The following NR5A2 variants were observed in gnomAD, a reference collection of about 807,000 sequenced individuals.
NR5A2 encodes the protein CYP7A promoter-binding factor.
In NR5A2, 26 loss-of-function variants were observed where a neutral mutation model predicts 62.7. The ratio of observed to expected loss-of-function variants is 0.41; its 90% CI spans 0.30 to 0.58. NR5A2 has a LOEUF of 0.58. Among genes scored for constraint, NR5A2 ranks in the 20% least tolerant of loss-of-function variants. The pLI is 0.22. For missense variants in NR5A2, 541 were observed against 669.1 expected, an observed-to-expected ratio of 0.81 and a Z score of 2.11; for synonymous variants, 246 against 241.7, an observed-to-expected ratio of 1.02 and a Z score of -0.16.
chr1:200,131,066 A>G (rs534646504), intron 7 of NR5A2, among the ~76,000 whole-genome samples: 1 of 152,346 alleles, frequency 6.6e-6, no homozygotes, highest in African/African-American at 2.4e-5. Context: ...ATGCTGGCAA[A>G]TAAGCATTTC....
rs905581950 is a variant in NR5A2, at chr1:200,120,649, G to A, written c.1231-159G>A. The stretch of plus-strand genomic sequence containing the variant: ...AAGGCCAGAGGATCACTTCAGCTCA[G>A]GAGTTCAAGACCAGTCTGGTCAAAT... On this transcript the variant is annotated intron_variant, in intron 6 of 7. Coordinates refer to ENST00000367362, the MANE Select transcript of NR5A2 (RefSeq NM_205860.3). Among the ~76,000 whole-genome samples the A allele has an allele frequency of 2.0e-5, 3 of 152,128 alleles. 1 individual carries two copies. In the South Asian group the frequency reaches 6.2e-4, roughly 32 times the overall value.
In NR5A2 at chr1:200,064,495, A is replaced by G. The variant is rs16845856; in HGVS notation, c.1110+15677A>G. On this transcript the variant is annotated intron_variant, in intron 5 of 7. Transcript: ENST00000367362. The stretch of plus-strand genomic sequence containing the variant: ...TAGCACTTCTTGGAAACTTCAAGTA[A>G]TTCCTATGGCTGGAAGGACAAGGAT... Among the ~76,000 whole-genome samples the G allele has an allele frequency of 7.3e-3, 1,109 of 152,328 alleles. 15 individuals are homozygous for G. The highest frequency in any genetic ancestry group is 0.025 in the African/African-American group (1,053 of 41,570).
chr1:200,149,608 G>C (rs1031820877), intron 7 of NR5A2, among the ~76,000 whole-genome samples: 1 of 152,162 alleles, frequency 6.6e-6, no homozygotes, highest in African/African-American at 2.4e-5. Context: ...CATGCACAAA[G>C]GAACCTGACA....
chr1:200,054,849 T>C (rs529807095), intron 5 of NR5A2, among the ~76,000 whole-genome samples: 2 of 152,300 alleles, frequency 1.3e-5, no homozygotes, highest in African/African-American at 4.8e-5. Context: ...TCAGACTTTA[T>C]TGAATCTGCC....
At chr1:200,052,861 T>C (rs10919801) in intron 5 of NR5A2, among the ~76,000 whole-genome samples, 71,662 of 151,658 alleles carry the variant, frequency 0.47, 20,475 homozygotes, top group East Asian at 0.69. Flanking sequence ...AGGATGGTCT[T>C]GATCTCCTGA....
chr1:200,126,570 A>C (rs1230982027), intron 7 of NR5A2, among the ~76,000 whole-genome samples: 2 of 152,204 alleles, frequency 1.3e-5, no homozygotes, highest in Non-Finnish European at 1.5e-5. Flanking sequence ...GCAAGCACAA[A>C]ATTTGAAGAA....
At chr1:200,135,535 G>A (rs975604159) in intron 7 of NR5A2, among the ~76,000 whole-genome samples, 1 of 131,864 alleles carries the variant, frequency 7.6e-6, no homozygotes, top group Non-Finnish European at 1.6e-5. Flanking sequence ...AAAAAAAAAA[G>A]AAGAAGAAGA....
At position 200,039,279 on chromosome 1, in the gene NR5A2, G is replaced by C. The variant is rs898359472; in HGVS notation, c.65-379G>C. 3.9e-5 allele frequency among the ~76,000 whole-genome samples: 6 copies of C among 152,060 alleles called. No individual in the cohort carries two copies. The highest frequency in any genetic ancestry group is 2.1e-4 in the South Asian group (1 of 4,830). On this transcript the variant is annotated intron_variant, in intron 1 of 7. Coordinates refer to ENST00000367362, the MANE Select transcript of NR5A2 (RefSeq NM_205860.3). This position sits in a 1 kb window ranked among gnomAD's most constrained non-coding sequence, Gnocchi z 5.1. ...GGGGAAGGAGTCGCCCGAGCCGTCCGGGAGCAGTGGCAGCGGCACAGCCGG... is the reference window on the plus strand; with the variant it reads ...GGGGAAGGAGTCGCCCGAGCCGTCCCGGAGCAGTGGCAGCGGCACAGCCGG...
chr1:200,083,150 G>C (rs996249032), intron 5 of NR5A2, among the ~76,000 whole-genome samples: 17 of 152,114 alleles, frequency 1.1e-4, no homozygotes, highest in Admixed American at 9.2e-4. Flanking sequence ...ATGTAAAGTA[G>C]TTTTGAGACT....
chr1:200,086,987 C>T (rs529506273), intron 5 of NR5A2, among the ~76,000 whole-genome samples: 15 of 152,134 alleles, frequency 9.9e-5, no homozygotes, highest in African/African-American at 2.7e-4. Context: ...TGCCATGAGC[C>T]GAGATGGTGC....
intron 7 of NR5A2, among the ~76,000 whole-genome samples, chr1:200,150,611 T>C (rs947807774): frequency 2.0e-5 from 3 of 152,160 alleles, no homozygotes; most frequent in African/African-American, 7.2e-5. Flanking sequence ...GTTAACCCTG[T>C]GTATTTAAAT....
intron 5 of NR5A2, among the ~76,000 whole-genome samples, chr1:200,098,720 G>A (rs1027356286): frequency 7.2e-4 from 109 of 152,148 alleles, no homozygotes; most frequent in African/African-American, 2.6e-3. Context: ...CACCTGCGGT[G>A]AGCCTAGTAC....
At chr1:200,052,702 T>C (rs1159721888) in intron 5 of NR5A2, among the ~76,000 whole-genome samples, 13 of 152,042 alleles carry the variant, frequency 8.6e-5, no homozygotes, top group Non-Finnish European at 1.3e-4. Context: ...AGTGCAGTGG[T>C]GCGATCTTGG....
chr1:200,127,067 C>G (rs115148009), intron 7 of NR5A2, among the ~76,000 whole-genome samples: 1 of 150,824 alleles, frequency 6.6e-6, no homozygotes, highest in African/African-American at 2.4e-5. Flanking sequence ...AATGAAGAGA[C>G]CTAAGAGAAC....
At chr1:200,035,918 C>T (rs1347836092) in intron 1 of NR5A2, among the ~76,000 whole-genome samples, 1 of 152,120 alleles carries the variant, frequency 6.6e-6, no homozygotes, top group Non-Finnish European at 1.5e-5. Context: ...GAGCTGTCCC[C>T]CGGTCTCACC....
intron 5 of NR5A2, among the ~76,000 whole-genome samples, chr1:200,081,168 T>G (rs1664275951): frequency 6.6e-6 from 1 of 152,178 alleles, no homozygotes. Context: ...TGCCAAGGAC[T>G]TCAGTCCACC....
Position 200,082,854 on chromosome 1 carries a change from TG to T in NR5A2, c.1111-28347del, listed in dbSNP as rs1182633100. Among the ~76,000 whole-genome samples the T allele has an allele frequency of 2.0e-5, 3 of 152,174 alleles. No individual in the cohort carries two copies. In the East Asian group the frequency reaches 5.8e-4, roughly 29 times the overall value. ...TACAAAGGTCTTACATATTTATTAG[TG>T]TTTTTAACCTAAAAAGGCATGCAAC... On this transcript the variant is annotated intron_variant, in intron 5 of 7. Coordinates refer to ENST00000367362, the MANE Select transcript of NR5A2 (RefSeq NM_205860.3).
chr1:200,094,039 C>T (rs1253690098), intron 5 of NR5A2, among the ~76,000 whole-genome samples: 3 of 152,018 alleles, frequency 2.0e-5, no homozygotes, highest in Admixed American at 2.0e-4. Context: ...TGTGGTGGCA[C>T]ATGCCTGTAG....
At chr1:200,115,303 T>C (rs1251269213) in intron 6 of NR5A2, among the ~76,000 whole-genome samples, 3 of 152,164 alleles carry the variant, frequency 2.0e-5, no homozygotes, top group African/African-American at 7.2e-5. Context: ...TTTTTCTCAT[T>C]TTTCTAAATA....
Sources: gnomAD v4.1 joint callset for allele counts (sites outside exome capture counted in the v4.1 genomes callset) on GRCh38, gnomAD v4.1.1 for gene constraint, Gnocchi (gnomAD v3.1) non-coding constraint, MANE v1.5 for transcripts, NCBI Gene and HGNC (gene_info 2026-07-23, HGNC 2026-07-21) for gene names.